EGFLAM: variants seen among roughly 807,000 people sequenced by gnomAD.
EGFLAM encodes the protein EGF like, fibronectin type III and laminin G domains, also known as pikachurin.
A neutral mutation model predicts 113.1 loss-of-function variants in EGFLAM; 79 were observed. That is an observed-to-expected ratio of 0.70 (90% CI 0.58 to 0.84). The LOEUF is 0.84. Ranked by LOEUF, EGFLAM falls within the 40% of genes least tolerant of loss-of-function variation. The pLI is 0.00. For synonymous variants in EGFLAM, 504 were observed against 487.6 expected, an observed-to-expected ratio of 1.03 and a Z score of -0.44; for missense variants, 1,265 against 1,291.6, an observed-to-expected ratio of 0.98 and a Z score of 0.32.
chr5:38,437,343 C>T (rs1742382229), intron 16 of EGFLAM, among the ~76,000 whole-genome samples: 2 of 152,104 alleles, frequency 1.3e-5, no homozygotes, highest in African/African-American at 2.4e-5. Context: ...TCGGGGAGGT[C>T]CAGCTGATGG....
At chr5:38,277,499 AT>A (rs2111740213) in intron 1 of EGFLAM, among the ~76,000 whole-genome samples, 1 of 152,336 alleles carries the variant, frequency 6.6e-6, no homozygotes, top group Non-Finnish European at 1.5e-5. Context: ...AAGATCTGGA[AT>A]GAGATAAGGA....
intron 6 of EGFLAM, among the ~76,000 whole-genome samples, chr5:38,380,210 G>A (rs1288882637): frequency 6.6e-6 from 1 of 152,206 alleles, no homozygotes; most frequent in Admixed American, 6.5e-5. Flanking sequence ...GTACTATACT[G>A]TTTGGGCATT....
At chr5:38,371,203 G>A (rs1322992426) in intron 6 of EGFLAM, among the ~76,000 whole-genome samples, 5 of 152,200 alleles carry the variant, frequency 3.3e-5, no homozygotes, top group Non-Finnish European at 5.9e-5. Context: ...AGCAGGGAGA[G>A]TTGAGAATGA....
intron 5 of EGFLAM, among the ~76,000 whole-genome samples, chr5:38,358,853 A>G (rs1339500688): frequency 6.6e-6 from 1 of 152,216 alleles, no homozygotes; most frequent in Non-Finnish European, 1.5e-5. Context: ...GTTCTGAGTA[A>G]GCCTTCAGGC....
At chr5:38,404,945 T>C (rs1402531030) in intron 6 of EGFLAM, among the ~76,000 whole-genome samples, 1 of 152,174 alleles carries the variant, frequency 6.6e-6, no homozygotes, top group Non-Finnish European at 1.5e-5. Context: ...GACAGTTGAA[T>C]AAAAATGCCA....
chr5:38,346,765 C>T (rs934624845), intron 3 of EGFLAM, among the ~76,000 whole-genome samples: 2 of 152,062 alleles, frequency 1.3e-5, no homozygotes, highest in Non-Finnish European at 2.9e-5. Context: ...GAGTGTTAGT[C>T]GGGAGAGGAG....
chr5:38,313,566 T>C (rs1170871164), intron 1 of EGFLAM, among the ~76,000 whole-genome samples: 3 of 152,116 alleles, frequency 2.0e-5, no homozygotes, highest in Non-Finnish European at 4.4e-5. Context: ...TTTTAAAGAG[T>C]CATCATACAT....
intron 1 of EGFLAM, among the ~76,000 whole-genome samples, chr5:38,274,544 GATGATAT>G (rs1364802773): frequency 6.6e-6 from 1 of 151,648 alleles, no homozygotes; most frequent in African/African-American, 2.4e-5. Flanking sequence ...GAGAGGGTGG[GATGATAT>G]ACTCAGTTTT....
At chr5:38,308,198 C>A (rs1404386826) in intron 1 of EGFLAM, among the ~76,000 whole-genome samples, 1 of 152,194 alleles carries the variant, frequency 6.6e-6, no homozygotes, top group Non-Finnish European at 1.5e-5. Context: ...TTTACTACAC[C>A]AAAGTGGCAC....
intron 10 of EGFLAM, among the ~76,000 whole-genome samples, chr5:38,410,438 G>A (rs1265516298): frequency 1.3e-5 from 2 of 152,146 alleles, no homozygotes; most frequent in Non-Finnish European, 2.9e-5. Context: ...CCTCTTCAGG[G>A]TAAGCCTGTT....
At chr5:38,415,214 T>C (rs1310100469) in intron 11 of EGFLAM, among the ~76,000 whole-genome samples, 1 of 151,478 alleles carries the variant, frequency 6.6e-6, no homozygotes, top group African/African-American at 2.4e-5. Context: ...TATAAAAAAA[T>C]TAGCCAGGCG....
At chr5:38,284,327 G>A (rs1469391007) in intron 1 of EGFLAM, among the ~76,000 whole-genome samples, 1 of 152,032 alleles carries the variant, frequency 6.6e-6, no homozygotes, top group Admixed American at 6.5e-5. Flanking sequence ...ACTTTTTTTT[G>A]TAACAGGTCA....
chr5:38,388,052 G>A (rs1740710871), intron 6 of EGFLAM, among the ~76,000 whole-genome samples: 1 of 152,160 alleles, frequency 6.6e-6, no homozygotes. Context: ...CCAGAGCCAG[G>A]CTTTTGGAAT....
At chr5:38,359,401 G>A (rs62353602) in intron 5 of EGFLAM, among the ~76,000 whole-genome samples, 10,259 of 152,164 alleles carry the variant, frequency 0.067, 407 homozygotes, top group Middle Eastern at 0.11. Flanking sequence ...CATTGGCCGC[G>A]CGCAGTGGCT....
At position 38,370,474 on chromosome 5, in the gene EGFLAM, G is replaced by A. The variant is rs758977066; in HGVS notation, c.712+12G>A. ...CATCCGGACCCTCTGTGAGTACCAG[G>A]GTCCTTCTGAGGGACCAAGGGAGCT... On this transcript the variant is annotated intron_variant, in intron 6 of 21. Coordinates refer to ENST00000322350, the MANE Select transcript of EGFLAM (RefSeq NM_152403.4). 6.2e-7 allele frequency: 1 copy of A among 1,611,564 alleles called. No individual in the cohort carries two copies. The highest frequency in any genetic ancestry group is 8.5e-7 in the Non-Finnish European group (1 of 1,178,354).
chr5:38,453,922 T>A lies in EGFLAM; in HGVS notation c.2687+2464T>A, dbSNP rs139732523. 2.6e-5 allele frequency among the ~76,000 whole-genome samples: 4 copies of A among 152,164 alleles called. No homozygotes were observed. In the East Asian group the frequency reaches 7.7e-4, roughly 29 times the overall value. ...CCTCCCCTCTCCCACCTGCTTAGGA[T>A]CCTTCAAAGAGCTCTGCTTTATCCT... is the stretch of plus-strand genomic sequence containing the variant. On this transcript the variant is annotated intron_variant, in intron 19 of 21. Transcript: ENST00000322350.
At position 38,377,921 on chromosome 5, in the gene EGFLAM, G is replaced by T. The variant is rs557368717; in HGVS notation, c.712+7459G>T. On this transcript the variant is annotated intron_variant, in intron 6 of 21. Transcript: ENST00000322350. ...TCATTTTACCCCTGGGTTCTTACTT[G>T]ATCATTATAATAAGCATTAACATTT... Among the ~76,000 whole-genome samples, 18 of 152,254 alleles carry T rather than the reference G, an allele frequency of 1.2e-4. No homozygotes were observed. In the South Asian group the frequency reaches 2.1e-3, roughly 18 times the overall value.
chr5:38,455,234 G>A (rs1325007426), intron 19 of EGFLAM, among the ~76,000 whole-genome samples: 1 of 152,186 alleles, frequency 6.6e-6, no homozygotes, highest in Non-Finnish European at 1.5e-5. Flanking sequence ...GTTTCCAAAA[G>A]GCCTCACCTG....
chr5:38,280,233 A>C (rs895387373), intron 1 of EGFLAM, among the ~76,000 whole-genome samples: 7 of 152,224 alleles, frequency 4.6e-5, no homozygotes, highest in African/African-American at 1.7e-4. Context: ...TGAAAACATA[A>C]ATGACTACAA....
Sources: gnomAD v4.1 joint callset for allele counts (sites outside exome capture counted in the v4.1 genomes callset) on GRCh38, gnomAD v4.1.1 for gene constraint, MANE v1.5 for transcripts, NCBI Gene and HGNC (gene_info 2026-07-23, HGNC 2026-07-21) for gene names.